Variants in TRMT9B observed in about 807,000 individuals in gnomAD.
The protein encoded by TRMT9B is tRNA methyltransferase 9B (putative).
In TRMT9B, 16 loss-of-function variants were observed where a neutral mutation model predicts 11.5. The ratio of observed to expected loss-of-function variants is 1.39; its 90% CI spans 0.94 to 2.11. The LOEUF (loss-of-function observed/expected upper bound fraction) is 2.11, where lower values mean the gene tolerates loss of function less well. Among genes scored for constraint, TRMT9B ranks in the 30% most tolerant of loss-of-function variants. The pLI, the probability that TRMT9B is intolerant of heterozygous loss-of-function variation, is 0.00. For synonymous variants in TRMT9B, 274 were observed against 192.4 expected (o/e 1.42, Z -3.51); for missense variants, 941 against 553.8 (o/e 1.70, Z -7.02).
intron 1 of TRMT9B, among the ~76,000 whole-genome samples, chr8:12,984,328 C>T (rs767790836): frequency 6.6e-6 from 1 of 152,182 alleles, no homozygotes; most frequent in Non-Finnish European, 1.5e-5. Flanking sequence ...ACTGTAATAA[C>T]CCCATGAGTG....
intron 1 of TRMT9B, among the ~76,000 whole-genome samples, chr8:12,989,676 C>G (rs1261934445): frequency 6.6e-6 from 1 of 152,216 alleles, no homozygotes; most frequent in African/African-American, 2.4e-5. Flanking sequence ...CTGCCCAGGT[C>G]AGAGCCTGGC....
intron 1 of TRMT9B, among the ~76,000 whole-genome samples, chr8:12,954,123 C>G (rs1800991880): frequency 2.0e-5 from 3 of 152,188 alleles, no homozygotes; most frequent in African/African-American, 7.2e-5. Flanking sequence ...ATGGTTAACT[C>G]TACTTTAAAT....
chr8:12,976,028 A>G (rs1036825917), intron 1 of TRMT9B, among the ~76,000 whole-genome samples: 3 of 152,232 alleles, frequency 2.0e-5, no homozygotes, highest in African/African-American at 7.2e-5. Context: ...TGGACTGATC[A>G]GGAATTTATT....
intron 3 of TRMT9B, among the ~76,000 whole-genome samples, chr8:13,009,033 T>A (rs908191781): frequency 1.7e-4 from 25 of 151,470 alleles, no homozygotes; most frequent in African/African-American, 6.1e-4. Flanking sequence ...CGGCCGGTAA[T>A]TTTTTTAATC....
intron 4 of TRMT9B, among the ~76,000 whole-genome samples, chr8:13,020,202 A>G (rs1451061852): frequency 6.6e-6 from 1 of 152,192 alleles, no homozygotes; most frequent in Admixed American, 6.5e-5. Context: ...CTTGAGATTA[A>G]TTTCCTCACT....
At chr8:12,976,758 G>A (rs1226576020) in intron 1 of TRMT9B, among the ~76,000 whole-genome samples, 1 of 152,178 alleles carries the variant, frequency 6.6e-6, no homozygotes, top group Non-Finnish European at 1.5e-5. Context: ...GCACTGACAG[G>A]ATTACCATCC....
intron 1 of TRMT9B, among the ~76,000 whole-genome samples, chr8:12,978,636 C>T (rs1318476483): frequency 6.6e-6 from 1 of 152,178 alleles, no homozygotes; most frequent in East Asian, 1.9e-4. Context: ...TTCTGTGTCA[C>T]TAACCAGCCA....
intron 4 of TRMT9B, among the ~76,000 whole-genome samples, chr8:13,019,973 G>A (rs749022192): frequency 3.3e-5 from 5 of 152,146 alleles, no homozygotes; most frequent in African/African-American, 1.2e-4. Context: ...GATTGCTAAC[G>A]ATACAAAATG....
rs1232099725 is a variant in TRMT9B, at chr8:13,012,857, G to A, written c.328G>A (p.Val110Ile). The change falls in exon 4 of 5, where the codon GTC becomes ATC. Residue 110 changes from valine (V) to isoleucine (I), a missense_variant and splice_region_variant. Physicochemically the swap from Val to Ile is conservative, Grantham distance 29. Transcript: ENST00000524591. ...EGFDAIISIG[V>I]IHHFSTKQRR... ...CTTCGATGCCATCATCTCCATAGGA[G>A]GTAAGGCAGCCAGATCACACATTCA... 1 of 1,613,388 alleles carries A rather than the reference G, an allele frequency of 6.2e-7. No homozygotes were observed. The highest frequency in any genetic ancestry group is 1.1e-5 in the South Asian group (1 of 91,008).
At chr8:12,975,061 A>G (rs1204934997) in intron 1 of TRMT9B, among the ~76,000 whole-genome samples, 1 of 151,428 alleles carries the variant, frequency 6.6e-6, no homozygotes, top group African/African-American at 2.4e-5. Context: ...GTGTATTTTT[A>G]CACTAATGGG....
At chr8:12,981,147 G>A (rs867722215) in intron 1 of TRMT9B, among the ~76,000 whole-genome samples, 1 of 152,294 alleles carries the variant, frequency 6.6e-6, no homozygotes, top group African/African-American at 2.4e-5. Flanking sequence ...TAGAAAAGGA[G>A]CTTGTGCTGG....
At chr8:12,951,228 T>C (rs1006676558) in intron 1 of TRMT9B, 1 of 152,170 alleles carries the variant, frequency 6.6e-6, no homozygotes, top group Non-Finnish European at 1.5e-5. Context: ...AGTGGAATGA[T>C]TTGGAGCGTC....
intron 3 of TRMT9B, chr8:13,011,016 C>T: frequency 1.3e-6 from 1 of 756,384 alleles, no homozygotes; most frequent in Non-Finnish European, 1.6e-6. Flanking sequence ...AAATCTAACT[C>T]TGTCATCACC....
At chr8:12,992,442 C>G (rs1425644746) in intron 2 of TRMT9B, among the ~76,000 whole-genome samples, 1 of 151,872 alleles carries the variant, frequency 6.6e-6, no homozygotes, top group Non-Finnish European at 1.5e-5. Context: ...TGCAGTGGTT[C>G]ACCATCAGAG....
rs957401997 is a variant in TRMT9B at position 13,021,883 on chromosome 8, G to A, written c.1204G>A (p.Val402Ile). The change falls in exon 5 of 5, where the codon GTT becomes ATT. Residue 402 changes from valine (V) to isoleucine (I), a missense_variant. By Grantham distance (29) the Val-to-Ile change is conservative. Coordinates refer to ENST00000524591, the MANE Select transcript of TRMT9B (RefSeq NM_020844.3). ...GTCTGTCGAAGATCCACAGACTGAT[G>A]TTTTGGACTCCACAGCCTTTATGCG... The part of the protein sequence containing the change: ...TMSVEDPQTD[V>I]LDSTAFMRYY... 1.2e-6 allele frequency: 2 copies of A among 1,613,854 alleles called. No homozygotes were observed. The highest frequency in any genetic ancestry group is 1.7e-5 in the Admixed American group (1 of 60,012).
At chr8:12,974,396 C>T (rs1440635284) in intron 1 of TRMT9B, among the ~76,000 whole-genome samples, 9 of 152,068 alleles carry the variant, frequency 5.9e-5, no homozygotes, top group Admixed American at 1.3e-4. Context: ...TTACACTGGA[C>T]GGGGAATCAA....
intron 3 of TRMT9B, chr8:13,011,942 C>T (rs1208593773): frequency 1.0e-6 from 1 of 985,108 alleles, no homozygotes; most frequent in Non-Finnish European, 1.2e-6. Context: ...GTTTGTTTTG[C>T]AGTCAGCAAG....
chr8:13,008,869 C>G (rs1811011561), intron 3 of TRMT9B, among the ~76,000 whole-genome samples: 1 of 152,260 alleles, frequency 6.6e-6, no homozygotes, highest in African/African-American at 2.4e-5. Flanking sequence ...GCTGGGACTA[C>G]AGTTGCCCGC....
At chr8:12,952,625 A>C in intron 1 of TRMT9B, 1 of 943,222 alleles carries the variant, frequency 1.1e-6, no homozygotes, top group Middle Eastern at 5.5e-4. Context: ...AGAGGCAAAG[A>C]ACTAAGATAA....
Sources: gnomAD v4.1 joint callset for allele counts (sites outside exome capture counted in the v4.1 genomes callset) on GRCh38, gnomAD v4.1.1 for gene constraint, MANE v1.5 for transcripts, NCBI Gene and HGNC (gene_info 2026-07-23, HGNC 2026-07-21) for gene names.